Variants in DOCK1 observed in about 807,000 individuals in gnomAD.
DOCK1 encodes the protein dedicator of cytokinesis protein 1.
A neutral mutation model predicts 262.7 loss-of-function variants in DOCK1; 138 were observed. The observed-to-expected ratio is 0.53, with a 90% CI of 0.46 to 0.61. The LOEUF (loss-of-function observed/expected upper bound fraction) is 0.61. Among genes scored for constraint, DOCK1 ranks in the 20% least tolerant of loss-of-function variants. DOCK1 has a pLI of 0.00. For synonymous variants in DOCK1, 866 were observed against 867.4 expected (o/e 1.00, Z 0.03); for missense variants, 1,908 against 2,370.7 (o/e 0.80, Z 4.05).
intron 47 of DOCK1, among the ~76,000 whole-genome samples, chr10:127,428,974 A>ATTGTGGTGCCG (rs2069065937): frequency 1.3e-5 from 1 of 78,870 alleles, no homozygotes. Flanking sequence ...TTCGGGTACC[A>ATTGTGGTGCCG]TGTGGATTGG....
In DOCK1 at chr10:127,248,111, T is replaced by C. The variant is rs2059493524; in HGVS notation, c.2949+2T>C. ...GGGAAAATGAGGACTGATGTGGTAG[T>C]AAGTGTCCCTTTCACCCTGTTCACA... On this transcript the variant is annotated splice_donor_variant, in intron 28 of 51. Transcript: ENST00000623213. LOFTEE classifies it high-confidence loss of function. 6.2e-7 allele frequency: 1 copy of C among 1,613,040 alleles called. No homozygotes were observed. The highest frequency in any genetic ancestry group is 8.5e-7 in the Non-Finnish European group (1 of 1,179,224).
chr10:127,372,844 G>A (rs569239300), intron 33 of DOCK1, among the ~76,000 whole-genome samples: 2 of 152,250 alleles, frequency 1.3e-5, no homozygotes, highest in African/African-American at 4.8e-5. Context: ...TTTAGAGTGT[G>A]CATGTCTCAT....
chr10:126,971,073 CAG>C (rs148299696), intron 2 of DOCK1, among the ~76,000 whole-genome samples: 21,619 of 149,722 alleles, frequency 0.14, 2,026 homozygotes, highest in Middle Eastern at 0.24. Flanking sequence ...CCTTTTGAGA[CAG>C]AGTCTTGCTC....
At chr10:127,159,025 C>G (rs1482566527) in intron 27 of DOCK1, among the ~76,000 whole-genome samples, 2 of 152,098 alleles carry the variant, frequency 1.3e-5, no homozygotes, top group Non-Finnish European at 2.9e-5. Flanking sequence ...ACTCCTTGGT[C>G]AAGGTAGGCT....
At chr10:127,443,696 TA>T (rs1381223902) in intron 49 of DOCK1, among the ~76,000 whole-genome samples, 1 of 152,132 alleles carries the variant, frequency 6.6e-6, no homozygotes, top group African/African-American at 2.4e-5. Flanking sequence ...GTGTATCTCT[TA>T]GGCATTCATC....
intron 29 of DOCK1, among the ~76,000 whole-genome samples, chr10:127,328,906 G>A (rs1167926860): frequency 6.6e-6 from 1 of 151,380 alleles, no homozygotes; most frequent in Admixed American, 6.6e-5. Context: ...TTTCCTTCTT[G>A]TGTTTTTTCT....
At chr10:127,116,284 G>T (rs1167862770) in intron 25 of DOCK1, among the ~76,000 whole-genome samples, 2 of 152,062 alleles carry the variant, frequency 1.3e-5, no homozygotes, top group South Asian at 2.1e-4. Flanking sequence ...TTTCATTTTT[G>T]AGCTTCTTGA....
At chr10:127,400,183 CA>C (rs35762721) in intron 38 of DOCK1, among the ~76,000 whole-genome samples, 2,781 of 143,512 alleles carry the variant, frequency 0.019, 27 homozygotes, top group Middle Eastern at 0.029. Flanking sequence ...TTACTCTCAT[CA>C]AAAAAAAAAA....
At chr10:127,188,965 C>T (rs1406179628) in intron 27 of DOCK1, among the ~76,000 whole-genome samples, 1 of 152,138 alleles carries the variant, frequency 6.6e-6, no homozygotes. Flanking sequence ...AGCCTGTTAC[C>T]GCACCACCAC....
At chr10:127,331,527 C>T (rs2062981761) in intron 29 of DOCK1, among the ~76,000 whole-genome samples, 1 of 152,118 alleles carries the variant, frequency 6.6e-6, no homozygotes, top group Admixed American at 6.5e-5. Flanking sequence ...GGTGATCCAC[C>T]CACCTTGGCC....
At chr10:127,192,033 A>G (rs2056790251) in intron 27 of DOCK1, among the ~76,000 whole-genome samples, 1 of 152,268 alleles carries the variant, frequency 6.6e-6, no homozygotes, top group South Asian at 2.1e-4. Flanking sequence ...GTAGAATATA[A>G]ACTTCAACAA....
chr10:127,175,933 G>C lies in DOCK1; in HGVS notation c.2847+48169G>C. The C allele has an allele frequency of 6.2e-7, 1 of 1,614,212 alleles. No individual in the cohort carries two copies. The highest frequency in any genetic ancestry group is 8.5e-7 in the Non-Finnish European group (1 of 1,180,048). On this transcript the variant is annotated intron_variant, in intron 27 of 51. Transcript: ENST00000623213. This position sits in a 1 kb window ranked among gnomAD's most constrained non-coding sequence, Gnocchi z 6.3. ...CCACATGGCCGGGCCTCCTCCATGG[G>C]TCCAGCCTCGTTCTTCTCTTTCGCA...
At chr10:127,216,364 C>A (rs144289561) in intron 27 of DOCK1, among the ~76,000 whole-genome samples, 1 of 151,252 alleles carries the variant, frequency 6.6e-6, no homozygotes, top group South Asian at 2.1e-4. Context: ...AACCTGAAAG[C>A]GCAGGATACA....
At chr10:127,293,974 G>A (rs997116904) in intron 29 of DOCK1, among the ~76,000 whole-genome samples, 1 of 152,190 alleles carries the variant, frequency 6.6e-6, no homozygotes, top group Non-Finnish European at 1.5e-5. Context: ...TCATGCAGGC[G>A]TACTGAGCTC....
intron 38 of DOCK1, among the ~76,000 whole-genome samples, chr10:127,392,432 C>A (rs967351851): frequency 6.6e-6 from 1 of 152,112 alleles, no homozygotes; most frequent in Non-Finnish European, 1.5e-5. Flanking sequence ...CTGGGCTCCA[C>A]TCCATTTTTT....
At chr10:126,986,593 G>A (rs547337372) in intron 4 of DOCK1, among the ~76,000 whole-genome samples, 37 of 152,294 alleles carry the variant, frequency 2.4e-4, no homozygotes, top group African/African-American at 8.2e-4. Context: ...GAAAACGAGC[G>A]CATAAATAGG....
At chr10:127,049,715 C>G (rs960592921) in intron 21 of DOCK1, among the ~76,000 whole-genome samples, 30 of 150,974 alleles carry the variant, frequency 2.0e-4, no homozygotes, top group Non-Finnish European at 4.4e-5. Flanking sequence ...ATTCTGTATG[C>G]TTTTGTGAAA....
intron 46 of DOCK1, among the ~76,000 whole-genome samples, chr10:127,420,753 C>T (rs373614954): frequency 1.3e-5 from 2 of 151,396 alleles, no homozygotes; most frequent in Non-Finnish European, 2.9e-5. Context: ...GCAGGAGAAT[C>T]GCTTGAACCC....
At chr10:127,006,611 C>T (rs370958016) in intron 10 of DOCK1, among the ~76,000 whole-genome samples, 2 of 152,286 alleles carry the variant, frequency 1.3e-5, no homozygotes, top group South Asian at 2.1e-4. Context: ...GCGCGATGAG[C>T]GGTGATGACT....
Sources: allele counts gnomAD v4.1 joint callset (sites outside exome capture counted in the v4.1 genomes callset), GRCh38; gene constraint gnomAD v4.1.1; non-coding constraint Gnocchi (gnomAD v3.1); transcripts MANE v1.5; gene names NCBI Gene and HGNC (gene_info 2026-07-23, HGNC 2026-07-21).